The following TTC29 variants were observed in gnomAD, a reference collection of about 807,000 sequenced individuals.
The protein encoded by TTC29 is tetratricopeptide repeat domain 29.
In TTC29, 49 loss-of-function variants were observed where a neutral mutation model predicts 58.1. That is an observed-to-expected ratio of 0.84 (90% CI 0.67 to 1.07). TTC29 has a LOEUF of 1.07. Ranked by LOEUF, TTC29 falls within the 50% of genes least tolerant of loss-of-function variation. TTC29 has a pLI of 0.00. For synonymous variants in TTC29, 209 were observed against 196.8 expected (o/e 1.06, Z -0.52); for missense variants, 582 against 555.6 (o/e 1.05, Z -0.48).
chr4:146,716,817 T>C (rs1742966345), intron 11 of TTC29, among the ~76,000 whole-genome samples: 1 of 152,182 alleles, frequency 6.6e-6, no homozygotes, highest in Non-Finnish European at 1.5e-5. Context: ...CCAGCTAAGA[T>C]ATTCTTCCTC....
At chr4:146,707,390 G>A in intron 12 of TTC29, 95 bp downstream of exon 12, 1 of 917,892 alleles carries the variant, frequency 1.1e-6, no homozygotes, top group Non-Finnish European at 1.7e-6. Flanking sequence ...AGTGCTGGAT[G>A]AAGCTCCTCT....
intron 11 of TTC29, among the ~76,000 whole-genome samples, chr4:146,708,353 T>TATAC (rs1236664295): frequency 3.0e-4 from 6 of 19,802 alleles, no homozygotes; most frequent in African/African-American, 5.3e-4. Context: ...TATATATATA[T>TATAC]ATACACATGT....
chr4:146,839,873 GA>G (rs951701558), intron 8 of TTC29, among the ~76,000 whole-genome samples: 4 of 151,550 alleles, frequency 2.6e-5, no homozygotes, highest in African/African-American at 9.7e-5. Flanking sequence ...CTAAGTGATA[GA>G]AAAAAAGGAG....
intron 8 of TTC29, among the ~76,000 whole-genome samples, chr4:146,847,746 G>A (rs926952332): frequency 4.6e-5 from 7 of 152,230 alleles, no homozygotes; most frequent in Non-Finnish European, 2.9e-5. Context: ...CAAGGCTGGG[G>A]ACCAGGGTAA....
intron 10 of TTC29, among the ~76,000 whole-genome samples, chr4:146,805,081 C>T (rs1194041085): frequency 6.6e-6 from 1 of 151,284 alleles, no homozygotes; most frequent in Non-Finnish European, 1.5e-5. Flanking sequence ...GCTGGTGATA[C>T]CCAGGCAAAC....
Position 146,940,474 on chromosome 4 carries a change from G to A in TTC29, c.-6-573C>T, listed in dbSNP as rs574414934. 2.9e-4 allele frequency among the ~76,000 whole-genome samples: 44 copies of A among 152,298 alleles called. 1 individual carries two copies. The highest frequency in any genetic ancestry group is 9.4e-4 in the African/African-American group (39 of 41,554). Reference sequence around the variant, plus strand: ...CTTCAAAATGTACTGTTTTTTAAAAGTTGTTTAAAACAACTTTATCTCACA... The same window carrying A: ...CTTCAAAATGTACTGTTTTTTAAAAATTGTTTAAAACAACTTTATCTCACA... On this transcript the variant is annotated intron_variant, in intron 2 of 12. Coordinates refer to ENST00000325106, the MANE Select transcript of TTC29 (RefSeq NM_031956.4).
chr4:146,760,188 C>T (rs1746769375), intron 11 of TTC29, among the ~76,000 whole-genome samples: 1 of 151,742 alleles, frequency 6.6e-6, no homozygotes, highest in Non-Finnish European at 1.5e-5. Flanking sequence ...CCTTTTACAA[C>T]AGCTGCAAAA....
At chr4:146,870,152 T>G (rs1012556037) in intron 7 of TTC29, among the ~76,000 whole-genome samples, 2 of 152,070 alleles carry the variant, frequency 1.3e-5, no homozygotes, top group African/African-American at 2.4e-5. Flanking sequence ...CAGAGTAGAC[T>G]CCATTGAAAA....
chr4:146,820,488 T>C (rs1008230904), intron 9 of TTC29, among the ~76,000 whole-genome samples: 3 of 152,188 alleles, frequency 2.0e-5, no homozygotes, highest in Admixed American at 2.0e-4. Context: ...GTACATCTTC[T>C]GGGGAAAACA....
At chr4:146,765,869 A>G (rs544652928) in intron 11 of TTC29, among the ~76,000 whole-genome samples, 4 of 152,278 alleles carry the variant, frequency 2.6e-5, no homozygotes, top group African/African-American at 9.6e-5. Context: ...ACTGTCAATA[A>G]CATTGACAGA....
chr4:146,871,547 A>G (rs1463681196), intron 7 of TTC29, among the ~76,000 whole-genome samples: 2 of 151,984 alleles, frequency 1.3e-5, no homozygotes, highest in East Asian at 3.8e-4. Flanking sequence ...AAGCTAATAA[A>G]TGAGTTTAAC....
intron 6 of TTC29, among the ~76,000 whole-genome samples, chr4:146,899,842 C>T (rs1004986693): frequency 2.6e-5 from 4 of 152,178 alleles, no homozygotes; most frequent in African/African-American, 7.2e-5. Context: ...ACCACCTGCC[C>T]GTTGCCATCT....
At chr4:146,804,406 G>C (rs1009144173) in intron 10 of TTC29, among the ~76,000 whole-genome samples, 9 of 152,082 alleles carry the variant, frequency 5.9e-5, no homozygotes, top group Admixed American at 3.9e-4. Context: ...CCCTGGAAAG[G>C]AGGCTGAAGC....
intron 11 of TTC29, among the ~76,000 whole-genome samples, chr4:146,747,640 T>C (rs1256424362): frequency 6.6e-6 from 1 of 152,122 alleles, no homozygotes; most frequent in African/African-American, 2.4e-5. Flanking sequence ...CCCAATCCTA[T>C]AGCTGACGCA....
chr4:146,743,865 C>A (rs1334378364), intron 11 of TTC29, among the ~76,000 whole-genome samples: 1 of 152,178 alleles, frequency 6.6e-6, no homozygotes, highest in Non-Finnish European at 1.5e-5. Flanking sequence ...AAGATATTTA[C>A]AAATTGGAGC....
intron 9 of TTC29, among the ~76,000 whole-genome samples, chr4:146,828,737 C>T (rs1579775163): frequency 6.6e-6 from 1 of 152,010 alleles, no homozygotes. Flanking sequence ...AGCAATAGAT[C>T]TCCAAAACAT....
intron 10 of TTC29, among the ~76,000 whole-genome samples, chr4:146,815,617 A>C (rs549965810): frequency 7.5e-4 from 115 of 152,358 alleles, no homozygotes; most frequent in African/African-American, 2.7e-3. Flanking sequence ...CATAGATTAA[A>C]AAGAGAAGAT....
chr4:146,882,717 C>T (rs574576234), intron 6 of TTC29, among the ~76,000 whole-genome samples: 2 of 152,120 alleles, frequency 1.3e-5, no homozygotes, highest in Non-Finnish European at 2.9e-5. Context: ...AGCATCTATG[C>T]CGAAGTATCA....
intron 11 of TTC29, among the ~76,000 whole-genome samples, chr4:146,784,066 G>GGTATA (rs150981677): frequency 0.031 from 4,645 of 150,908 alleles, 230 homozygotes; most frequent in African/African-American, 0.11. Flanking sequence ...CTAAGTCTCA[G>GGTATA]GTATAGTATA....
Sources: gnomAD v4.1 joint callset for allele counts (sites outside exome capture counted in the v4.1 genomes callset) on GRCh38, gnomAD v4.1.1 for gene constraint, MANE v1.5 for transcripts, NCBI Gene and HGNC (gene_info 2026-07-23, HGNC 2026-07-21) for gene names.